The following AGBL1 variants were observed in gnomAD, a reference collection of about 807,000 sequenced individuals.
AGBL1 encodes cytosolic carboxypeptidase 4.
AGBL1 carries 130 observed loss-of-function variants against 118.9 expected under a neutral mutation model. The ratio of observed to expected loss-of-function variants is 1.09; its 90% CI spans 0.95 to 1.26. The LOEUF is 1.26. Ranked by LOEUF, AGBL1 falls within the 50% of genes most tolerant of loss-of-function variation. AGBL1 has a pLI of 0.00. For synonymous variants in AGBL1, 555 were observed against 478.9 expected (o/e 1.16, Z -2.08); for missense variants, 1,584 against 1,298.1 (o/e 1.22, Z -3.38).
chr15:86,329,492 G>T (rs571628959), intron 17 of AGBL1, among the ~76,000 whole-genome samples: 2 of 152,180 alleles, frequency 1.3e-5, no homozygotes, highest in South Asian at 4.2e-4. Context: ...CCGCTCACCT[G>T]AGTCACCTCA....
intron 19 of AGBL1, among the ~76,000 whole-genome samples, chr15:86,530,696 C>T (rs1191603234): frequency 6.6e-6 from 1 of 150,672 alleles, no homozygotes; most frequent in Admixed American, 6.6e-5. Flanking sequence ...CAAAATTGAC[C>T]ACATAGTTGG....
In AGBL1 at chr15:86,143,820, G is replaced by T. The variant is rs750065007; in HGVS notation, c.237G>T (p.Arg79=). ...PDYDILLPLF[R]LLAKVGLRDK... ...ATGACATCCTCCTGCCTCTCTTCCG[G>T]CTGCTGGCCAAAGTTGGCCTAAGAG... The change falls in exon 3 of 23, where the codon CGG becomes CGT. Residue 79 remains arginine, a synonymous_variant. Coordinates refer to ENST00000614907, the MANE Select transcript of AGBL1 (RefSeq NM_001386094.1). 2 of 1,613,822 alleles carry T rather than the reference G, an allele frequency of 1.2e-6. No homozygotes were observed. The highest frequency in any genetic ancestry group is 1.7e-4 in the Middle Eastern group (1 of 6,060).
chr15:86,118,698 C>T (rs1897914925), intron 1 of AGBL1, among the ~76,000 whole-genome samples: 1 of 151,516 alleles, frequency 6.6e-6, no homozygotes. Flanking sequence ...AGGAGTTCTT[C>T]TCTTGGATTC....
At chr15:86,164,128 G>A (rs72750294) in intron 5 of AGBL1, among the ~76,000 whole-genome samples, 14,813 of 152,310 alleles carry the variant, frequency 0.097, 963 homozygotes, top group Middle Eastern at 0.2. Flanking sequence ...AGAGATTGGA[G>A]CAGGGAAAGA....
intron 22 of AGBL1, among the ~76,000 whole-genome samples, chr15:86,703,543 C>T (rs1368654461): frequency 4.6e-5 from 7 of 152,072 alleles, no homozygotes; most frequent in Non-Finnish European, 8.8e-5. Flanking sequence ...TTCTTAGTGA[C>T]TGTTTTTCTG....
intron 23 of AGBL1, among the ~76,000 whole-genome samples, chr15:86,986,040 C>A (rs895944691): frequency 6.6e-6 from 1 of 151,958 alleles, no homozygotes; most frequent in South Asian, 2.1e-4. Flanking sequence ...TCTCCTGTCT[C>A]AGACTCCCAA....
At chr15:86,291,446 G>A (rs1360317136) in intron 16 of AGBL1, among the ~76,000 whole-genome samples, 1 of 152,100 alleles carries the variant, frequency 6.6e-6, no homozygotes, top group East Asian at 1.9e-4. Flanking sequence ...TAGCATGCAA[G>A]TGTCATTCTA....
At chr15:86,232,341 T>C (rs996805275) in intron 6 of AGBL1, among the ~76,000 whole-genome samples, 2 of 152,180 alleles carry the variant, frequency 1.3e-5, no homozygotes, top group African/African-American at 4.8e-5. Flanking sequence ...TCCGGCCATG[T>C]GGTGGTGCTG....
At chr15:86,717,503 T>C (rs1596400593) in intron 22 of AGBL1, among the ~76,000 whole-genome samples, 1 of 152,262 alleles carries the variant, frequency 6.6e-6, no homozygotes, top group South Asian at 2.1e-4. Context: ...CATTTAGTTC[T>C]TCCATTACAA....
chr15:86,097,031 C>T (rs747084975), intron 1 of AGBL1, among the ~76,000 whole-genome samples: 4 of 152,144 alleles, frequency 2.6e-5, no homozygotes, highest in Non-Finnish European at 5.9e-5. Flanking sequence ...TACTGAGACG[C>T]TCAAACCTGC....
chr15:86,642,465 A>G (rs1215565836), intron 21 of AGBL1, among the ~76,000 whole-genome samples: 1 of 152,140 alleles, frequency 6.6e-6, no homozygotes, highest in African/African-American at 2.4e-5. Flanking sequence ...GCGTTTCACT[A>G]TAGCAAGATA....
chr15:86,474,998 C>G (rs2082536488), intron 18 of AGBL1, among the ~76,000 whole-genome samples: 1 of 152,214 alleles, frequency 6.6e-6, no homozygotes, highest in African/African-American at 2.4e-5. Flanking sequence ...CTCCAACAGA[C>G]CTGCAGCTGA....
At chr15:86,186,023 G>A (rs2077627331) in intron 5 of AGBL1, among the ~76,000 whole-genome samples, 1 of 152,110 alleles carries the variant, frequency 6.6e-6, no homozygotes, top group African/African-American at 2.4e-5. Flanking sequence ...TATAGGGTGG[G>A]ATTTCATCAC....
At chr15:87,021,937 C>T (rs1010472588) in intron 24 of AGBL1, among the ~76,000 whole-genome samples, 5 of 152,078 alleles carry the variant, frequency 3.3e-5, no homozygotes, top group Admixed American at 6.6e-5. Context: ...CTGGTATTCA[C>T]GGCTGACAGA....
chr15:86,095,785 T>C (rs1374685717), intron 1 of AGBL1, among the ~76,000 whole-genome samples: 1 of 151,356 alleles, frequency 6.6e-6, no homozygotes, highest in Admixed American at 6.6e-5. Flanking sequence ...TGGAGGAACA[T>C]GTCCAGCATC....
intron 21 of AGBL1, among the ~76,000 whole-genome samples, chr15:86,559,755 A>G (rs1396482183): frequency 6.6e-6 from 1 of 152,106 alleles, no homozygotes; most frequent in African/African-American, 2.4e-5. Context: ...TCAAGGTCCC[A>G]CAGCTAGAAG....
intron 20 of AGBL1, among the ~76,000 whole-genome samples, chr15:86,548,416 C>G (rs1418461177): frequency 2.0e-5 from 3 of 152,070 alleles, no homozygotes; most frequent in Admixed American, 6.5e-5. Flanking sequence ...TCAGTGAATC[C>G]TCTCTGCAAA....
intron 5 of AGBL1, among the ~76,000 whole-genome samples, chr15:86,200,266 C>A (rs942712541): frequency 2.6e-5 from 4 of 152,012 alleles, no homozygotes; most frequent in African/African-American, 9.7e-5. Context: ...AGAAAAAGAA[C>A]CAGTGTCATT....
At chr15:86,203,870 CTTTA>C (rs1433483133) in intron 5 of AGBL1, among the ~76,000 whole-genome samples, 1 of 152,086 alleles carries the variant, frequency 6.6e-6, no homozygotes. Context: ...TTCATTCATT[CTTTA>C]TTTATTTATG....
Sources: allele counts gnomAD v4.1 joint callset (sites outside exome capture counted in the v4.1 genomes callset), GRCh38; gene constraint gnomAD v4.1.1; transcripts MANE v1.5; gene names NCBI Gene and HGNC (gene_info 2026-07-23, HGNC 2026-07-21).